FCER2: variants seen among roughly 807,000 people sequenced by gnomAD.
FCER2 encodes Fc epsilon receptor II.
FCER2 carries 38 observed loss-of-function variants against 49.7 expected under a neutral mutation model. The observed-to-expected ratio is 0.76, with a 90% confidence interval of 0.59 to 1.00. The LOEUF (loss-of-function observed/expected upper bound fraction) is 1.00, where lower values mean the gene tolerates loss of function less well. Among genes scored for constraint, FCER2 ranks in the 50% least tolerant of loss-of-function variants. The pLI is 0.00. For synonymous variants in FCER2, 163 were observed against 164.6 expected (o/e 0.99, Z 0.07); for missense variants, 425 against 419.5 (o/e 1.01, Z -0.11).
At chr19:7,700,901 C>T (rs916476072) in intron 1 of FCER2, among the ~76,000 whole-genome samples, 3 of 152,122 alleles carry the variant, frequency 2.0e-5, no homozygotes, top group Non-Finnish European at 4.4e-5. Context: ...ACCTCCACCT[C>T]CCGGGTTCAA....
At chr19:7,699,594 ACCTCCT>A in intron 2 of FCER2, 139 bp downstream of exon 2, 1 of 1,163,500 alleles carries the variant, frequency 8.6e-7, no homozygotes, top group South Asian at 1.4e-5. Flanking sequence ...GTCCGGCCTC[ACCTCCT>A]TACTCACACC....
chr19:7,691,830 G>A (rs1373538420), intron 8 of FCER2, among the ~76,000 whole-genome samples: 2 of 152,024 alleles, frequency 1.3e-5, no homozygotes, highest in Admixed American at 1.3e-4. Context: ...TACATTGCCA[G>A]TTCCACAGCC....
intron 3 of FCER2, 72 bp downstream of exon 3, chr19:7,698,669 T>A: frequency 6.4e-7 from 1 of 1,561,976 alleles, no homozygotes; most frequent in Non-Finnish European, 8.7e-7. Flanking sequence ...AGCTCTGAGA[T>A]GGGGGTGAAG....
In FCER2 at chr19:7,697,001, C is replaced by T. The variant is rs1318204043; in HGVS notation, c.379+12G>A. 1 of 1,581,284 alleles carries T rather than the reference C, an allele frequency of 6.3e-7. No individual in the cohort carries two copies. The highest frequency in any genetic ancestry group is 8.6e-7 in the Non-Finnish European group (1 of 1,163,402). ...TCCCTCCCCCACTGCCCCATCCCCT[C>T]CCAAGCCTCACCCTGGGACTTGAAG... is the stretch of plus-strand genomic sequence containing the variant. On this transcript the variant is annotated intron_variant, in intron 7 of 10. Transcript: ENST00000597921.
intron 5 of FCER2, 90 bp downstream of exon 5, chr19:7,697,437 G>A: frequency 1.4e-6 from 2 of 1,464,514 alleles, no homozygotes; most frequent in African/African-American, 1.4e-5. Context: ...CGGGGGTGGG[G>A]CACAGTGAGT....
At chr19:7,689,609 ATTTG>A (rs895536000) in intron 10 of FCER2, among the ~76,000 whole-genome samples, 179 bp from the exon 11 acceptor site, 67 of 151,332 alleles carry the variant, frequency 4.4e-4, no homozygotes, top group Non-Finnish European at 6.5e-4. Flanking sequence ...ACCCTTATTT[ATTTG>A]TTTGTTTGTT....
chr19:7,695,935 T>G (rs2033000036), intron 8 of FCER2, among the ~76,000 whole-genome samples: 1 of 147,662 alleles, frequency 6.8e-6, no homozygotes, highest in South Asian at 2.2e-4. Context: ...TTTTTTTTTT[T>G]TTTTTTTTTG....
At chr19:7,691,026 C>T (rs116607243) in intron 8 of FCER2, among the ~76,000 whole-genome samples, 2,010 of 82,904 alleles carry the variant, frequency 0.024, 35 homozygotes, top group East Asian at 0.13. Flanking sequence ...AATGCATTCA[C>T]GTCCAACAAC....
chr19:7,697,153 C>A (rs1272654126), intron 6 of FCER2, 78 bp from the exon 7 acceptor site: 8 of 1,606,140 alleles, frequency 5.0e-6, no homozygotes, highest in South Asian at 1.1e-5. Flanking sequence ...CCTGGCCCCC[C>A]AGCCTCGTGG....
rs1338312980 is a variant in FCER2 at position 7,689,331 on chromosome 19, C to T, written c.828G>A (p.Lys276=). 1.9e-6 allele frequency: 3 copies of T among 1,612,864 alleles called. No homozygotes were observed. The highest frequency in any genetic ancestry group is 8.5e-7 in the Non-Finnish European group (1 of 1,179,660). The change falls in exon 11 of 11, where the codon AAG becomes AAA. Residue 276 remains lysine (K), a synonymous_variant. Transcript: ENST00000597921. The part of the protein sequence containing the change: ...GRWNDAFCDR[K]LGAWVCDRLA... ...GCCGGTCGCACACCCAGGCGCCCAGCTTACGGTCGCAGAAGGCGTCGTTCC... is the reference window on the plus strand; with the variant it reads ...GCCGGTCGCACACCCAGGCGCCCAGTTTACGGTCGCAGAAGGCGTCGTTCC...
At chr19:7,695,308 A>T (rs2032983068) in intron 8 of FCER2, among the ~76,000 whole-genome samples, 1 of 152,178 alleles carries the variant, frequency 6.6e-6, no homozygotes, top group Non-Finnish European at 1.5e-5. Flanking sequence ...TGGTCAGACA[A>T]TCTACCAGGA....
intron 8 of FCER2, among the ~76,000 whole-genome samples, chr19:7,692,649 C>T (rs17159310): frequency 0.022 from 3,263 of 149,032 alleles, 164 homozygotes; most frequent in East Asian, 0.073. Flanking sequence ...ATCAGCACTT[C>T]GTGGTTAGCA....
intron 8 of FCER2, 99 bp from the exon 9 acceptor site, chr19:7,690,656 G>C: frequency 7.8e-7 from 1 of 1,286,294 alleles, no homozygotes; most frequent in Non-Finnish European, 1.1e-6. Flanking sequence ...CACTCCTGGG[G>C]TCCCGGCTAA....
At chr19:7,693,209 G>C (rs529289813) in intron 8 of FCER2, among the ~76,000 whole-genome samples, 1 of 152,208 alleles carries the variant, frequency 6.6e-6, no homozygotes, top group East Asian at 1.9e-4. Flanking sequence ...AACAGCCCTG[G>C]TCATCATCAC....
rs116058720 is a variant in FCER2, at chr19:7,689,448, G to A, written c.729-18C>T. 884 of 1,523,312 alleles carry A rather than the reference G, an allele frequency of 5.8e-4. 10 individuals are homozygous for A. The African/African-American group carries it at 0.01, about 18-fold the overall frequency. The allele number at this position is 1,523,312 out of a possible 1,614,324, so 94.4% of individuals were successfully genotyped here. A position where few individuals can be genotyped will look rare whatever the true frequency, so the allele number is the denominator to read the frequency against. ...CCCAGTTGCTGGAGCAAAAGGCTTT[G>A]GGTCAGGGGATGGGGCGGGGAGAAG... On this transcript the variant is annotated intron_variant, in intron 10 of 10. Transcript: ENST00000597921.
intron 8 of FCER2, among the ~76,000 whole-genome samples, chr19:7,692,057 C>A (rs1241481343): frequency 7.9e-6 from 1 of 127,118 alleles, no homozygotes; most frequent in Non-Finnish European, 1.7e-5. Context: ...CTACCAACAC[C>A]ATCACCACGA....
chr19:7,698,805 G>T lies in FCER2; in HGVS notation c.72C>A (p.Ile24=). ...CGGCGGTCACCAGCCCCAGCAGCAC[G>T]ATCTGAGTCCCACGCCTGCAACACC... ...RRRCCRRGTQ[I]VLLGLVTAAL... The change falls in exon 3 of 11, where the codon ATC becomes ATA. Residue 24 remains isoleucine, a synonymous_variant. Coordinates refer to ENST00000597921, the MANE Select transcript of FCER2 (RefSeq NM_001220500.2). The T allele has an allele frequency of 6.2e-7, 1 of 1,612,464 alleles. No individual in the cohort carries two copies.
At chr19:7,690,038 T>TG in intron 10 of FCER2, 121 bp downstream of exon 10, 1 of 697,588 alleles carries the variant, frequency 1.4e-6, no homozygotes, top group African/African-American at 1.8e-5. Flanking sequence ...CCTTCTCCCC[T>TG]GCACCCTAGA....
intron 4 of FCER2, 98 bp from the exon 5 acceptor site, chr19:7,697,687 C>G (rs1049452300): frequency 1.1e-6 from 1 of 907,430 alleles, no homozygotes; most frequent in Non-Finnish European, 1.8e-6. Flanking sequence ...CACATAGTCA[C>G]AACAGCTGCT....
Sources: allele counts gnomAD v4.1 joint callset (sites outside exome capture counted in the v4.1 genomes callset), GRCh38; gene constraint gnomAD v4.1.1; transcripts MANE v1.5; gene names NCBI Gene and HGNC (gene_info 2026-07-23, HGNC 2026-07-21).